Variants in FTO observed in about 807,000 individuals in gnomAD.
FTO encodes the protein alpha-ketoglutarate-dependent dioxygenase FTO.
FTO carries 47 observed loss-of-function variants against 63.9 expected under a neutral mutation model. That is an observed-to-expected ratio of 0.74 (90% confidence interval 0.58 to 0.94). FTO has a LOEUF of 0.94. FTO is among the 40% of genes least tolerant of loss of function. The pLI is 0.00. For synonymous variants in FTO, 207 were observed against 224.4 expected (o/e 0.92, Z 0.69); for missense variants, 562 against 618.1 (o/e 0.91, Z 0.96).
chr16:53,985,400 A>T (rs1419098224), intron 8 of FTO, among the ~76,000 whole-genome samples: 2 of 152,282 alleles, frequency 1.3e-5, no homozygotes, highest in Non-Finnish European at 1.5e-5. Context: ...GCAGATCCAG[A>T]GGCAGGGAAT....
At chr16:53,781,420 A>T (rs1015955741) in intron 1 of FTO, among the ~76,000 whole-genome samples, 1 of 152,246 alleles carries the variant, frequency 6.6e-6, no homozygotes, top group African/African-American at 2.4e-5. Context: ...ATGAAAGGTC[A>T]GAGCCAAGAG....
chr16:53,987,475 C>T (rs139162852), intron 8 of FTO, among the ~76,000 whole-genome samples: 2,268 of 151,158 alleles, frequency 0.015, 63 homozygotes, highest in African/African-American at 0.052. Flanking sequence ...CCCAGCTACT[C>T]GGGAGGCTGA....
chr16:53,769,678 C>A (rs569271406), intron 1 of FTO, among the ~76,000 whole-genome samples: 65 of 152,136 alleles, frequency 4.3e-4, no homozygotes, highest in African/African-American at 1.5e-3. Context: ...TAGGTTATTG[C>A]TGCAACGTAC....
chr16:53,819,497 G>C (rs1405413337), intron 2 of FTO, among the ~76,000 whole-genome samples: 3 of 152,048 alleles, frequency 2.0e-5, no homozygotes, highest in Non-Finnish European at 4.4e-5. Flanking sequence ...GTGCTAAGAG[G>C]CTTCTCTATT....
At chr16:53,724,358 G>C (rs542961766) in intron 1 of FTO, among the ~76,000 whole-genome samples, 1 of 152,168 alleles carries the variant, frequency 6.6e-6, no homozygotes, top group Non-Finnish European at 1.5e-5. Flanking sequence ...TAAAGGTGTT[G>C]GTCTACACCA....
intron 7 of FTO, among the ~76,000 whole-genome samples, chr16:53,893,411 G>C (rs11076008): frequency 6.6e-6 from 1 of 151,986 alleles, no homozygotes; most frequent in Non-Finnish European, 1.5e-5. Context: ...AAACTGTACA[G>C]CTGCTTTGCT....
intron 8 of FTO, among the ~76,000 whole-genome samples, chr16:53,952,093 CCTTA>C (rs1445126429): frequency 1.3e-5 from 2 of 152,202 alleles, no homozygotes; most frequent in South Asian, 2.1e-4. Context: ...TGCCCATATT[CCTTA>C]CTTACTCCTC....
At chr16:54,072,409 T>A (rs1413306788) in intron 8 of FTO, 2 of 152,098 alleles carry the variant, frequency 1.3e-5, no homozygotes, top group Non-Finnish European at 2.9e-5. Flanking sequence ...GGCAGGAGTG[T>A]CTCGCGTTCT....
chr16:54,121,800 A>AAAT lies in FTO; in HGVS notation c.*9886_*9887insATA, dbSNP rs1567584370. The AAAT allele has an allele frequency of 6.6e-6, 1 of 151,966 alleles. No individual in the cohort carries two copies. The highest frequency in any genetic ancestry group is 1.5e-5 in the Non-Finnish European group (1 of 67,926). 9.4% of individuals were successfully genotyped at this position (151,966 alleles called of 1,614,324 possible). On this transcript the variant is annotated 3_prime_UTR_variant, in exon 9 of 9. Transcript: ENST00000471389. ...GCTGACTAAAGGGTGTCCTATTTATAAGTCAGTAAAACACAGCGGCTTCAT... is the reference window on the plus strand; with the variant it reads ...GCTGACTAAAGGGTGTCCTATTTATAAATAGTCAGTAAAACACAGCGGCTTCAT...
At position 54,102,219 on chromosome 16, in the gene FTO, AT is replaced by A. The variant is rs1161427230; in HGVS notation, c.1365-9542del. 1.6e-4 allele frequency among the ~76,000 whole-genome samples: 24 copies of A among 152,310 alleles called. No individual in the cohort carries two copies. The Middle Eastern group carries it at 0.01, about 65-fold the overall frequency. Reference sequence around the variant, plus strand: ...GAAACCCTGGAAGACAAACTAGGCAATAGCATCCTGGACATAGGAATGGACA... The same window carrying A: ...GAAACCCTGGAAGACAAACTAGGCAAAGCATCCTGGACATAGGAATGGACA... On this transcript the variant is annotated intron_variant, in intron 8 of 8. Transcript: ENST00000471389.
At chr16:53,825,779 A>G in intron 2 of FTO, 85 bp from the exon 3 acceptor site, 2 of 1,533,996 alleles carry the variant, frequency 1.3e-6, no homozygotes, top group Admixed American at 1.7e-5. Context: ...ACAACTCCCC[A>G]AATGCTTACA....
chr16:53,861,493 C>T (rs1346869272), intron 4 of FTO, among the ~76,000 whole-genome samples: 2 of 152,140 alleles, frequency 1.3e-5, no homozygotes, highest in East Asian at 3.9e-4. Flanking sequence ...TCGTATTTTG[C>T]TCATTTTTCT....
intron 6 of FTO, among the ~76,000 whole-genome samples, chr16:53,883,757 G>A (rs534997666): frequency 4.6e-5 from 7 of 151,760 alleles, no homozygotes; most frequent in Non-Finnish European, 8.8e-5. Flanking sequence ...GGGTTGAATA[G>A]AGAGATTGAT....
chr16:54,050,996 G>A (rs1567540356), intron 8 of FTO, among the ~76,000 whole-genome samples: 1 of 152,152 alleles, frequency 6.6e-6, no homozygotes, highest in Non-Finnish European at 1.5e-5. Context: ...TGGTTATCTG[G>A]AGATAGACAT....
chr16:53,929,987 C>T (rs1201530441), intron 7 of FTO, among the ~76,000 whole-genome samples: 1 of 152,152 alleles, frequency 6.6e-6, no homozygotes. Flanking sequence ...GGACTCTGCA[C>T]ATGAGGACCA....
intron 8 of FTO, chr16:54,040,076 A>C (rs1362532956): frequency 6.6e-6 from 1 of 152,224 alleles, no homozygotes; most frequent in Non-Finnish European, 1.5e-5. Context: ...ATTCAAATCA[A>C]AGTTCAAACC....
chr16:54,074,913 A>AGTGTGT (rs1248976108), intron 8 of FTO, among the ~76,000 whole-genome samples: 98 of 125,152 alleles, frequency 7.8e-4, no homozygotes, highest in African/African-American at 2.8e-3. Flanking sequence ...AGAGAGAGAG[A>AGTGTGT]GAGAGTGTGT....
intron 8 of FTO, among the ~76,000 whole-genome samples, chr16:54,087,285 T>A (rs534885871): frequency 1.3e-5 from 2 of 152,368 alleles, no homozygotes; most frequent in Admixed American, 1.3e-4. Flanking sequence ...GACACTTTTC[T>A]TAACAGGGAT....
intron 8 of FTO, among the ~76,000 whole-genome samples, chr16:54,078,341 G>A (rs1178195826): frequency 6.9e-6 from 1 of 145,078 alleles, no homozygotes; most frequent in Non-Finnish European, 1.5e-5. Context: ...TAGTAAAATA[G>A]TATATAATTA....
Sources: allele counts gnomAD v4.1 joint callset (sites outside exome capture counted in the v4.1 genomes callset), GRCh38; gene constraint gnomAD v4.1.1; transcripts MANE v1.5; gene names NCBI Gene and HGNC (gene_info 2026-07-23, HGNC 2026-07-21).